IL1RAPL2: variants seen among roughly 807,000 people sequenced by gnomAD.
IL1RAPL2 encodes interleukin 1 receptor accessory protein like 2, also known as X-linked interleukin-1 receptor accessory protein-like 2.
Under a neutral mutation model 44.1 loss-of-function variants are expected in IL1RAPL2, and 3 were observed. The ratio of observed to expected loss-of-function variants is 0.07; its 90% confidence interval spans 0.03 to 0.18. The LOEUF is 0.18. IL1RAPL2 is among the 10% of genes least tolerant of loss of function. IL1RAPL2 has a pLI of 1.00. For missense variants in IL1RAPL2, 391 were observed against 496.4 expected (o/e 0.79, Z 2.02); for synonymous variants, 181 against 178.8 (o/e 1.01, Z -0.10).
chrX:104,607,864 C>A (rs188882236), intron 1 of IL1RAPL2, among the ~76,000 whole-genome samples: 272 of 112,002 alleles, frequency 2.4e-3, no homozygotes, highest in African/African-American at 7.8e-3. Flanking sequence ...TTTGACCCAG[C>A]AATCCCATTA....
intron 2 of IL1RAPL2, among the ~76,000 whole-genome samples, chrX:105,059,532 T>G (rs993812921): frequency 1.8e-5 from 2 of 112,048 alleles, no homozygotes; most frequent in Non-Finnish European, 3.8e-5. Context: ...TTCTTTCTTT[T>G]TTTTCTTTCT....
At chrX:104,987,126 C>A (rs2030576556) in intron 2 of IL1RAPL2, among the ~76,000 whole-genome samples, 1 of 111,878 alleles carries the variant, frequency 8.9e-6, no homozygotes, top group Non-Finnish European at 1.9e-5. Flanking sequence ...GTAAAAAATA[C>A]ATTCCATTTT....
intron 6 of IL1RAPL2, among the ~76,000 whole-genome samples, chrX:105,559,506 A>G (rs763854006): frequency 9.0e-6 from 1 of 111,462 alleles, no homozygotes; most frequent in Admixed American, 9.5e-5. Context: ...TTCCACTCAC[A>G]TATTTCAAGA....
At chrX:104,858,847 G>A (rs977211148) in intron 2 of IL1RAPL2, among the ~76,000 whole-genome samples, 2 of 111,880 alleles carry the variant, frequency 1.8e-5, no homozygotes, top group African/African-American at 6.5e-5. Context: ...ATCATCAAGA[G>A]TCAATGACCT....
At chrX:105,762,511 T>C (rs1174596069) in intron 10 of IL1RAPL2, among the ~76,000 whole-genome samples, 1 of 112,294 alleles carries the variant, frequency 8.9e-6, no homozygotes, top group Non-Finnish European at 1.9e-5. Context: ...TTATATCAAT[T>C]TAAGCACCCT....
chrX:105,072,509 T>C (rs1207053104), intron 2 of IL1RAPL2, among the ~76,000 whole-genome samples: 1 of 111,429 alleles, frequency 9.0e-6, no homozygotes, highest in East Asian at 2.8e-4. Flanking sequence ...TGCAACTTTC[T>C]AGAGATTTGC....
chrX:105,443,842 TG>T (rs2035936941), intron 5 of IL1RAPL2, among the ~76,000 whole-genome samples: 1 of 111,832 alleles, frequency 8.9e-6, no homozygotes, highest in African/African-American at 3.3e-5. Flanking sequence ...ATTTCCTTTT[TG>T]GGGGGTATGT....
chrX:105,752,042 T>C (rs777742465), intron 9 of IL1RAPL2, among the ~76,000 whole-genome samples: 16 of 112,479 alleles, frequency 1.4e-4, no homozygotes, highest in African/African-American at 5.2e-4. Flanking sequence ...TTCTTAGCCA[T>C]GTTTAAAATT....
chrX:104,974,556 C>A (rs1364527573), intron 2 of IL1RAPL2, among the ~76,000 whole-genome samples: 1 of 112,033 alleles, frequency 8.9e-6, no homozygotes, highest in Non-Finnish European at 1.9e-5. Context: ...ATTTTGTTAG[C>A]ACCAGTAGGT....
chrX:105,595,609 G>T (rs985014470), intron 6 of IL1RAPL2, among the ~76,000 whole-genome samples: 2 of 111,015 alleles, frequency 1.8e-5, no homozygotes, highest in African/African-American at 6.6e-5. Context: ...GTTGTTGTTT[G>T]TTTGTTTGTT....
intron 5 of IL1RAPL2, among the ~76,000 whole-genome samples, chrX:105,403,423 A>G (rs886913717): frequency 3.6e-5 from 4 of 111,425 alleles, no homozygotes; most frequent in African/African-American, 1.3e-4. Context: ...CAGCCATTAT[A>G]TAAAATGAGG....
chrX:105,482,056 C>A (rs1422920972), intron 5 of IL1RAPL2, among the ~76,000 whole-genome samples: 1 of 111,981 alleles, frequency 8.9e-6, no homozygotes, highest in Admixed American at 9.5e-5. Context: ...CTATTTGGGA[C>A]CTTGTTTTTT....
At chrX:104,600,915 C>T (rs1472480580) in intron 1 of IL1RAPL2, among the ~76,000 whole-genome samples, 2 of 111,698 alleles carry the variant, frequency 1.8e-5, no homozygotes, top group African/African-American at 6.5e-5. Flanking sequence ...TCCAGTCCAC[C>T]ATTGATGGGC....
chrX:104,706,721 G>T, intron 2 of IL1RAPL2, among the ~76,000 whole-genome samples: 1 of 111,713 alleles, frequency 9.0e-6, no homozygotes, highest in South Asian at 3.7e-4. Context: ...AATAAGCCTT[G>T]GTTTTTTGGT....
chrX:104,585,265 A>ATATTATATATATTATATAATATATATC (rs1491551706), intron 1 of IL1RAPL2, among the ~76,000 whole-genome samples: 1 of 24,510 alleles, frequency 4.1e-5, no homozygotes, highest in Non-Finnish European at 6.3e-5. Flanking sequence ...ATATATATAT[A>ATATTATATATATTATATAATATATATC]ATATATTATA....
intron 5 of IL1RAPL2, among the ~76,000 whole-genome samples, chrX:105,447,100 TATATATAAAA>T (rs1478638581): frequency 1.0e-4 from 6 of 58,264 alleles, no homozygotes; most frequent in African/African-American, 6.5e-4. Context: ...TATATATATA[TATATATAAAA>T]ATATATATAA....
intron 5 of IL1RAPL2, among the ~76,000 whole-genome samples, chrX:105,282,108 A>G (rs1306333891): frequency 1.8e-5 from 2 of 112,172 alleles, no homozygotes; most frequent in Non-Finnish European, 3.8e-5. Context: ...TAATTTGTCA[A>G]TTAAGGTGGT....
chrX:105,514,725 C>G (rs1451000601), intron 6 of IL1RAPL2, among the ~76,000 whole-genome samples: 1 of 111,685 alleles, frequency 9.0e-6, no homozygotes. Context: ...GGGATGGAGA[C>G]AGCAACAAAG....
intron 6 of IL1RAPL2, among the ~76,000 whole-genome samples, chrX:105,620,624 G>T (rs754798458): frequency 1.8e-5 from 2 of 109,669 alleles, no homozygotes; most frequent in African/African-American, 6.6e-5. Flanking sequence ...TCTGAATCAA[G>T]AACTTTCATC....
Sources: allele counts gnomAD v4.1 joint callset (sites outside exome capture counted in the v4.1 genomes callset), GRCh38; gene constraint gnomAD v4.1.1; transcripts MANE v1.5; gene names NCBI Gene and HGNC (gene_info 2026-07-23, HGNC 2026-07-21).